The following CFAP69 variants were observed in gnomAD, a reference collection of about 807,000 sequenced individuals.
CFAP69 encodes the protein cilia- and flagella-associated protein 69.
A neutral mutation model predicts 123.0 loss-of-function variants in CFAP69; 92 were observed. That is an observed-to-expected ratio of 0.75 (90% CI 0.63 to 0.89). The LOEUF (loss-of-function observed/expected upper bound fraction) is 0.89, where lower values mean the gene tolerates loss of function less well. CFAP69 is among the 40% of genes least tolerant of loss of function. The pLI, the probability that CFAP69 is intolerant of heterozygous loss-of-function variation, is 0.00. For missense variants in CFAP69, 1,067 were observed against 1,096.9 expected (o/e 0.97, Z 0.39); for synonymous variants, 380 against 364.3 (o/e 1.04, Z -0.49).
intron 13 of CFAP69, among the ~76,000 whole-genome samples, chr7:90,284,102 A>G (rs1244781286): frequency 3.3e-5 from 5 of 152,142 alleles, no homozygotes; most frequent in Non-Finnish European, 5.9e-5. Context: ...AGAATTCTTA[A>G]TCCTGCCTGC....
At chr7:90,256,564 A>G (rs1797682380) in intron 2 of CFAP69, among the ~76,000 whole-genome samples, 1 of 152,166 alleles carries the variant, frequency 6.6e-6, no homozygotes, top group South Asian at 2.1e-4. Context: ...GGTTGACCAT[A>G]GTATAGCCTA....
rs545405402 is a variant in CFAP69, at chr7:90,254,004, G to T, written c.121-1419G>T. ...TTAAGTCTTTAATCCATTTTGATTT[G>T]ATTTTTTTATTTGGTGAGACATAGG... On this transcript the variant is annotated intron_variant, in intron 1 of 22. Coordinates refer to ENST00000389297, the MANE Select transcript of CFAP69 (RefSeq NM_001039706.3). Among the ~76,000 whole-genome samples the T allele has an allele frequency of 3.4e-4, 51 of 152,132 alleles. No individual in the cohort carries two copies. In the Middle Eastern group the frequency reaches 0.01, roughly 30 times the overall value.
In CFAP69 at chr7:90,288,278, GA is replaced by G; in HGVS notation, c.1705del (p.Thr569GlnfsTer10). Reference sequence around the variant, plus strand: ...GAGTAGATATCGTTCTTCATGTGATGAAAACAGACCCCAGGAAGTTACAGAG... The same window carrying G: ...GAGTAGATATCGTTCTTCATGTGATGAAACAGACCCCAGGAAGTTACAGAG... ...EGVDIVLHVM[K>X]TDPRKLQSGL... On this transcript the variant is annotated frameshift_variant, in exon 15 of 23. Transcript: ENST00000389297. The G allele has an allele frequency of 6.2e-7, 1 of 1,612,202 alleles. No individual in the cohort carries two copies. Among genetic ancestry groups the G allele is most frequent in the Non-Finnish European group, 8.5e-7 (1 of 1,178,674 alleles).
chr7:90,309,307 C>T lies in CFAP69; in HGVS notation c.2595C>T (p.Tyr865=). The T allele has an allele frequency of 6.3e-7, 1 of 1,588,844 alleles. No homozygotes were observed. Among genetic ancestry groups the T allele is most frequent in the Admixed American group, 1.8e-5 (1 of 56,800 alleles). Residue 865 remains tyrosine, a synonymous_variant, in exon 22 of 23, where the codon TAC becomes TAT. Coordinates refer to ENST00000389297, the MANE Select transcript of CFAP69 (RefSeq NM_001039706.3). ...LQEKAIEASR[Y]HKRPQNAIFH... is the part of the protein sequence containing the mutation. ...AAAAAGCTATAGAAGCCTCCAGATA[C>T]CATAAACGACCACAAAATGCAATAT...
At chr7:90,255,021 G>A (rs1199562762) in intron 1 of CFAP69, among the ~76,000 whole-genome samples, 1 of 152,130 alleles carries the variant, frequency 6.6e-6, no homozygotes, top group Non-Finnish European at 1.5e-5. Context: ...ACTGAGATAA[G>A]GGGATACCTA....
At chr7:90,287,636 G>A (rs573901101) in intron 14 of CFAP69, 1 of 985,368 alleles carries the variant, frequency 1.0e-6, no homozygotes, top group Non-Finnish European at 1.2e-6. Context: ...TTAGCTCCAA[G>A]CTTTGATGCA....
Position 90,265,314 on chromosome 7 carries a change from A to T in CFAP69, c.370A>T (p.Lys124Ter). ...TTCTTATTGAAGCTTGCCATTTTTG[A>T]AAAAGAAAGTGTCGGATGAAATAAC... ...IIKLCGLPFL[K>*]KKVSDEITYA... The change falls in exon 5 of 23, where the codon AAA becomes TAA. Residue 124 changes from lysine (K) to a stop codon, truncating the protein, a stop_gained. Coordinates refer to ENST00000389297, the MANE Select transcript of CFAP69 (RefSeq NM_001039706.3). LOFTEE classifies it high-confidence loss of function. 1 of 1,609,666 alleles carries T rather than the reference A, an allele frequency of 6.2e-7. No individual in the cohort carries two copies. The highest frequency in any genetic ancestry group is 8.5e-7 in the Non-Finnish European group (1 of 1,177,244).
Position 90,255,404 on chromosome 7 carries a change from A to T in CFAP69, c.121-19A>T. The T allele has an allele frequency of 6.3e-7, 1 of 1,598,364 alleles. No homozygotes were observed. Among genetic ancestry groups the T allele is most frequent in the Non-Finnish European group, 8.6e-7 (1 of 1,166,914 alleles). On this transcript the variant is annotated intron_variant, in intron 1 of 22. Coordinates refer to ENST00000389297, the MANE Select transcript of CFAP69 (RefSeq NM_001039706.3). ...ATATAGAAGATGATCTAGAATAGTA[A>T]GAGTTGTATGTTTTTTAGGATGTTT...
chr7:90,287,747 A>G, intron 14 of CFAP69: 4 of 986,204 alleles, frequency 4.1e-6, no homozygotes, highest in Non-Finnish European at 3.6e-6. Context: ...GGCAATAAGA[A>G]AGGTAATTAG....
chr7:90,267,455 A>G (rs1289206563), intron 5 of CFAP69, among the ~76,000 whole-genome samples: 2 of 152,216 alleles, frequency 1.3e-5, no homozygotes, highest in Non-Finnish European at 2.9e-5. Flanking sequence ...TCATTTCCAG[A>G]GTCCCACAGA....
In CFAP69 at chr7:90,288,251, A is replaced by G. The variant is rs751135699; in HGVS notation, c.1674A>G (p.Glu558=). 5.5e-5 allele frequency: 88 copies of G among 1,608,370 alleles called. No homozygotes were observed. The highest frequency in any genetic ancestry group is 7.1e-5 in the Non-Finnish European group (84 of 1,176,028). ...TTAAACAGGAAATTTTCGGAACTGA[A>G]GGAGTAGATATCGTTCTTCATGTGA... The part of the protein sequence containing the change: ...HIQRKEIFGT[E]GVDIVLHVMK... Residue 558 remains glutamate (E), a synonymous_variant, in exon 15 of 23, where the codon GAA becomes GAG. Transcript: ENST00000389297.
chr7:90,299,226 T>C (rs1792418111), intron 16 of CFAP69, among the ~76,000 whole-genome samples: 1 of 152,186 alleles, frequency 6.6e-6, no homozygotes, highest in South Asian at 2.1e-4. Context: ...AGAATTAGAT[T>C]ATGGAGGCCA....
chr7:90,323,662 A>C, the CFAP69 span, among the ~76,000 whole-genome samples: 1 of 152,328 alleles, frequency 6.6e-6, no homozygotes, highest in Non-Finnish European at 1.5e-5. Context: ...GTAAATTTAT[A>C]AGATTCAAGT....
intron 19 of CFAP69, among the ~76,000 whole-genome samples, chr7:90,306,672 A>G (rs1335684048): frequency 6.6e-6 from 1 of 152,204 alleles, no homozygotes; most frequent in Non-Finnish European, 1.5e-5. Flanking sequence ...GGCATAGGAG[A>G]GCCTTATCCA....
chr7:90,306,835 G>T, intron 19 of CFAP69, 66 bp from the exon 20 acceptor site: 1 of 961,944 alleles, frequency 1.0e-6, no homozygotes, highest in Non-Finnish European at 1.6e-6. Flanking sequence ...ATAAAAAATT[G>T]TATAATTGTA....
chr7:90,274,750 C>T (rs1372788665), intron 9 of CFAP69, among the ~76,000 whole-genome samples: 2 of 152,158 alleles, frequency 1.3e-5, no homozygotes, highest in Non-Finnish European at 2.9e-5. Context: ...AAGATTTTAA[C>T]TCTATCTTTG....
Position 90,310,077 on chromosome 7 carries a change from G to A in CFAP69, c.2665G>A (p.Gly889Ser). The A allele has an allele frequency of 1.2e-6, 2 of 1,608,406 alleles. No individual in the cohort carries two copies. Among genetic ancestry groups the A allele is most frequent in the Middle Eastern group, 1.7e-4 (1 of 6,050 alleles). The change falls in exon 23 of 23, where the codon GGT becomes AGT. Residue 889 changes from glycine (G) to serine (S), a missense_variant. Transcript: ENST00000389297. ...IKGLNTTVPS[G>S]GVVTVESTPA... The stretch of plus-strand genomic sequence containing the variant: ...CCTTTTGCCTTTTTAGGTGCCCTCT[G>A]GTGGAGTAGTAACAGTGGAAAGCAC...
intron 8 of CFAP69, among the ~76,000 whole-genome samples, chr7:90,273,530 G>A (rs1007470116): frequency 6.6e-6 from 1 of 152,128 alleles, no homozygotes; most frequent in Non-Finnish European, 1.5e-5. Flanking sequence ...AAAAATATTA[G>A]AAATATGTTC....
chr7:90,292,383 C>T (rs984386062), intron 15 of CFAP69, among the ~76,000 whole-genome samples: 4 of 152,072 alleles, frequency 2.6e-5, no homozygotes, highest in Admixed American at 2.0e-4. Context: ...ACTGTGTAGA[C>T]AAAGTATCAA....
Sources: allele counts gnomAD v4.1 joint callset (sites outside exome capture counted in the v4.1 genomes callset), GRCh38; gene constraint gnomAD v4.1.1; transcripts MANE v1.5; gene names NCBI Gene and HGNC (gene_info 2026-07-23, HGNC 2026-07-21).